The following DST variants were observed in gnomAD, a reference collection of about 807,000 sequenced individuals.
The protein encoded by DST is dystonin, also known as bullous pemphigoid antigen.
Under a neutral mutation model 875.2 loss-of-function variants are expected in DST, and 253 were observed. The ratio of observed to expected loss-of-function variants is 0.29; its 90% confidence interval spans 0.26 to 0.32. DST has a LOEUF of 0.32. DST is among the 10% of genes least tolerant of loss of function. The probability of loss-of-function intolerance (pLI) is 1.00; values close to 1 mark genes in which losing one functional copy is unlikely to be tolerated. For synonymous variants in DST, 3,124 were observed against 3,197.1 expected (o/e 0.98, Z 0.77); for missense variants, 8,287 against 9,111.6 (o/e 0.91, Z 3.68).
chr6:56,698,777 G>T (rs1277398626), intron 9 of DST, among the ~76,000 whole-genome samples: 1 of 152,224 alleles, frequency 6.6e-6, no homozygotes, highest in Non-Finnish European at 1.5e-5. Context: ...GCTCTGTGCT[G>T]CACACAGAAC....
At chr6:56,783,255 C>G (rs1396258074) in intron 4 of DST, among the ~76,000 whole-genome samples, 1 of 152,124 alleles carries the variant, frequency 6.6e-6, no homozygotes, top group Non-Finnish European at 1.5e-5. Context: ...TGGTGCAGAG[C>G]TGAGTCCAAT....
At chr6:56,506,387 A>C (rs1388877061) in intron 77 of DST, 56 bp downstream of exon 77, 21 of 1,402,720 alleles carry the variant, frequency 1.5e-5, no homozygotes, top group Non-Finnish European at 2.0e-5. Context: ...GTAGACATCA[A>C]TTAGTACGAT....
chr6:56,554,828 G>A (rs182783007), intron 60 of DST, among the ~76,000 whole-genome samples: 1 of 152,152 alleles, frequency 6.6e-6, no homozygotes, highest in Admixed American at 6.5e-5. Flanking sequence ...TTCTGATGAA[G>A]TGAATTCTAA....
chr6:56,562,493 C>A (rs937536556), intron 55 of DST, among the ~76,000 whole-genome samples: 2 of 151,142 alleles, frequency 1.3e-5, no homozygotes, highest in Non-Finnish European at 2.9e-5. Flanking sequence ...TGTGTTTTAT[C>A]CAATAAATTC....
intron 4 of DST, among the ~76,000 whole-genome samples, chr6:56,824,133 CGAG>C (rs1244940971): frequency 6.6e-6 from 1 of 152,108 alleles, no homozygotes; most frequent in African/African-American, 2.4e-5. Context: ...CTCAGCCTGC[CGAG>C]TGCCTGCGAT....
intron 32 of DST, among the ~76,000 whole-genome samples, chr6:56,628,531 TA>T (rs1462366690): frequency 6.6e-6 from 1 of 152,210 alleles, no homozygotes; most frequent in East Asian, 1.9e-4. Context: ...AACGATAAGG[TA>T]GTCCAATGAA....
At chr6:56,597,714 G>T (rs545446428) in intron 47 of DST, 26 bp downstream of exon 47, 3 of 1,588,906 alleles carry the variant, frequency 1.9e-6, no homozygotes, top group South Asian at 1.1e-5. Context: ...AGAATTGAAC[G>T]ATATCATATG....
intron 30 of DST, 73 bp from the exon 31 acceptor site, chr6:56,630,456 C>A (rs977934167): frequency 2.4e-6 from 3 of 1,241,070 alleles, no homozygotes; most frequent in Non-Finnish European, 3.5e-6. Context: ...CCTGAAGCAC[C>A]ATTATGACAC....
At chr6:56,917,002 AAAAAAAAAAAAAAAAG>A (rs1562394933) in intron 2 of DST, among the ~76,000 whole-genome samples, 3 of 140,606 alleles carry the variant, frequency 2.1e-5, no homozygotes, top group African/African-American at 5.5e-5. Flanking sequence ...AAAAAAAAAA[AAAAAAAAAAAAAAAAG>A]ACAGGCAGAG....
intron 90 of DST, among the ~76,000 whole-genome samples, chr6:56,478,509 T>C (rs1307001705): frequency 6.6e-6 from 1 of 152,168 alleles, no homozygotes; most frequent in African/African-American, 2.4e-5. Context: ...AAATAAATGT[T>C]TTACAAATGT....
chr6:56,562,773 G>A (rs1476687560), intron 55 of DST, among the ~76,000 whole-genome samples: 2 of 149,042 alleles, frequency 1.3e-5, no homozygotes, highest in Non-Finnish European at 3.0e-5. Flanking sequence ...GGTGTGTAAT[G>A]TTCCCATCCC....
intron 4 of DST, among the ~76,000 whole-genome samples, chr6:56,781,242 T>C (rs2099693118): frequency 6.6e-6 from 1 of 152,232 alleles, no homozygotes; most frequent in Non-Finnish European, 1.5e-5. Context: ...AAAGTAGTTT[T>C]TTCCAATTCT....
intron 9 of DST, among the ~76,000 whole-genome samples, chr6:56,680,497 C>T (rs530984611): frequency 1.3e-5 from 2 of 152,316 alleles, no homozygotes; most frequent in Admixed American, 6.5e-5. Context: ...ATGACAGAAA[C>T]ACCATGGAGA....
intron 75 of DST, among the ~76,000 whole-genome samples, chr6:56,507,067 TCAA>T (rs2096339957): frequency 6.6e-6 from 1 of 152,150 alleles, no homozygotes; most frequent in Non-Finnish European, 1.5e-5. Flanking sequence ...TTTAAAAATA[TCAA>T]CAATACTGTA....
chr6:56,888,758 C>A (rs948775402), intron 3 of DST, among the ~76,000 whole-genome samples: 4 of 152,008 alleles, frequency 2.6e-5, no homozygotes, highest in Non-Finnish European at 5.9e-5. Context: ...TATAATGTTC[C>A]AAAATATACT....
chr6:56,544,919 T>C (rs74607290), intron 61 of DST, among the ~76,000 whole-genome samples: 6,364 of 152,276 alleles, frequency 0.042, 166 homozygotes, highest in African/African-American at 0.064. Context: ...AAAATTTGGT[T>C]TAGACAGCTA....
intron 2 of DST, among the ~76,000 whole-genome samples, chr6:56,918,053 G>A (rs1262597932): frequency 6.6e-6 from 1 of 151,916 alleles, no homozygotes; most frequent in African/African-American, 2.4e-5. Context: ...CAACAAAAAT[G>A]GGATCTTGTT....
intron 4 of DST, among the ~76,000 whole-genome samples, chr6:56,825,128 G>A (rs1240665283): frequency 6.6e-6 from 1 of 151,192 alleles, no homozygotes; most frequent in Admixed American, 6.6e-5. Context: ...GTAGACATGG[G>A]AGACTTTTCA....
At chr6:56,580,309 G>C (rs997276198) in intron 49 of DST, among the ~76,000 whole-genome samples, 1 of 152,092 alleles carries the variant, frequency 6.6e-6, no homozygotes, top group African/African-American at 2.4e-5. Flanking sequence ...CTTTTTGGGA[G>C]GCCAACTTGG....
Sources: allele counts gnomAD v4.1 joint callset (sites outside exome capture counted in the v4.1 genomes callset), GRCh38; gene constraint gnomAD v4.1.1; transcripts MANE v1.5; gene names NCBI Gene and HGNC (gene_info 2026-07-23, HGNC 2026-07-21).